Variants in NOVA1 observed in about 807,000 individuals in gnomAD.
NOVA1 encodes NOVA alternative splicing regulator 1.
A neutral mutation model predicts 38.0 loss-of-function variants in NOVA1; 7 were observed. That is an observed-to-expected ratio of 0.18 (90% CI 0.10 to 0.35). The LOEUF (loss-of-function observed/expected upper bound fraction) is 0.35, where lower values mean the gene tolerates loss of function less well. NOVA1 is among the 10% of genes least tolerant of loss of function. The pLI is 1.00. For synonymous variants in NOVA1, 270 were observed against 232.5 expected, an observed-to-expected ratio of 1.16 and a Z score of -1.47; for missense variants, 460 against 616.0, an observed-to-expected ratio of 0.75 and a Z score of 2.68.
At chr14:26,567,290 A>ATTTTTTTT (rs372263187) in intron 2 of NOVA1, among the ~76,000 whole-genome samples, 25 of 93,704 alleles carry the variant, frequency 2.7e-4, no homozygotes, top group East Asian at 6.6e-4. Flanking sequence ...GTCTTGTTTA[A>ATTTTTTTT]TTTTTTTTTT....
At chr14:26,536,405 G>C (rs1183474642) in intron 2 of NOVA1, among the ~76,000 whole-genome samples, 3 of 151,794 alleles carry the variant, frequency 2.0e-5, no homozygotes, top group African/African-American at 7.3e-5. Context: ...TTGAGGGGAA[G>C]GATACCCCCT....
Position 26,598,006 on chromosome 14 carries a change from C to T in NOVA1, c.-570G>A, listed in dbSNP as rs1172617553. Reference sequence around the variant, plus strand: ...GCGCTCGCTCCCGCTGCTGGTGCTGCCGCCGCCGCCGCTGCCGGAGCGGTT... The same window carrying T: ...GCGCTCGCTCCCGCTGCTGGTGCTGTCGCCGCCGCCGCTGCCGGAGCGGTT... On this transcript the variant is annotated 5_prime_UTR_variant, in exon 1 of 5. Coordinates refer to ENST00000539517, the MANE Select transcript of NOVA1 (RefSeq NM_002515.3). Among the ~76,000 whole-genome samples, 4 of 151,414 alleles carry T rather than the reference C, an allele frequency of 2.6e-5. No individual in the cohort carries two copies. The highest frequency in any genetic ancestry group is 4.4e-5 in the Non-Finnish European group (3 of 67,800).
chr14:26,569,662 C>T (rs1892349480), intron 2 of NOVA1, among the ~76,000 whole-genome samples: 1 of 152,068 alleles, frequency 6.6e-6, no homozygotes, highest in African/African-American at 2.4e-5. Flanking sequence ...TACAATTTAT[C>T]AAAAACTTCA....
At chr14:26,551,751 T>C (rs764361782) in intron 2 of NOVA1, among the ~76,000 whole-genome samples, 26 of 152,070 alleles carry the variant, frequency 1.7e-4, no homozygotes, top group Non-Finnish European at 3.5e-4. Flanking sequence ...GGGATCACAT[T>C]TTTTTAAAAA....
At chr14:26,585,162 C>T (rs1329982385) in intron 2 of NOVA1, among the ~76,000 whole-genome samples, 8 of 151,198 alleles carry the variant, frequency 5.3e-5, no homozygotes, top group Admixed American at 5.3e-4. Flanking sequence ...TGTATTAATA[C>T]AAGAAAAACA....
At chr14:26,460,204 T>G (rs1333932241) in intron 4 of NOVA1, among the ~76,000 whole-genome samples, 1 of 151,934 alleles carries the variant, frequency 6.6e-6, no homozygotes, top group African/African-American at 2.4e-5. Context: ...ATCTTACTAG[T>G]AATGGGAGGT....
chr14:26,457,696 C>T (rs1316436415), intron 4 of NOVA1, among the ~76,000 whole-genome samples: 4 of 152,032 alleles, frequency 2.6e-5, no homozygotes, highest in African/African-American at 4.8e-5. Flanking sequence ...CTAGACTGTA[C>T]TCCATTTACT....
intron 2 of NOVA1, among the ~76,000 whole-genome samples, chr14:26,499,131 T>C (rs1794297121): frequency 6.6e-6 from 1 of 152,224 alleles, no homozygotes; most frequent in Non-Finnish European, 1.5e-5. Flanking sequence ...AATAATAGTG[T>C]ATTGTTTTCA....
At chr14:26,524,929 C>T (rs1192289394) in intron 2 of NOVA1, among the ~76,000 whole-genome samples, 1 of 152,148 alleles carries the variant, frequency 6.6e-6, no homozygotes, top group Non-Finnish European at 1.5e-5. Context: ...ATCTCCTTAT[C>T]AGAAATACTA....
chr14:26,517,147 C>T (rs1161185334), intron 2 of NOVA1, among the ~76,000 whole-genome samples: 1 of 151,968 alleles, frequency 6.6e-6, no homozygotes, highest in Non-Finnish European at 1.5e-5. Flanking sequence ...CCTTGTGATC[C>T]GCCTGCCTCG....
intron 2 of NOVA1, among the ~76,000 whole-genome samples, chr14:26,557,884 G>A (rs549417794): frequency 6.6e-6 from 1 of 151,322 alleles, no homozygotes; most frequent in South Asian, 2.1e-4. Context: ...CAGGTGGATG[G>A]ATAAAAAAAC....
chr14:26,482,050 T>G (rs1451674761), intron 2 of NOVA1, among the ~76,000 whole-genome samples: 1 of 142,470 alleles, frequency 7.0e-6, no homozygotes, highest in African/African-American at 2.7e-5. Context: ...TATAAATCTA[T>G]GCTGTCAATA....
At chr14:26,481,792 G>A (rs1452372093) in intron 2 of NOVA1, among the ~76,000 whole-genome samples, 2 of 151,848 alleles carry the variant, frequency 1.3e-5, no homozygotes, top group Non-Finnish European at 2.9e-5. Flanking sequence ...GGATACTCTA[G>A]GGAGTCTTTA....
intron 2 of NOVA1, among the ~76,000 whole-genome samples, chr14:26,556,884 T>C (rs930474090): frequency 6.6e-6 from 1 of 152,222 alleles, no homozygotes; most frequent in African/African-American, 2.4e-5. Context: ...CAATATCTTA[T>C]GTATATCAGG....
rs539291719 is a variant in NOVA1 at position 26,456,873 on chromosome 14, T to TGCA, written c.520-7913_520-7911dup. Among the ~76,000 whole-genome samples, 498 of 152,052 alleles carry TGCA rather than the reference T, an allele frequency of 3.3e-3. 5 individuals are homozygous for TGCA. Among genetic ancestry groups the TGCA allele is most frequent in the African/African-American group, 0.011 (471 of 41,514 alleles). ...TAAATGTCATATACAAAGGACAGTA[T>TGCA]GCAGGCACTACACTATATGAAATTA... is the stretch of plus-strand genomic sequence containing the variant. On this transcript the variant is annotated intron_variant, in intron 4 of 4. Transcript: ENST00000539517.
chr14:26,538,275 C>G (rs1470312268), intron 2 of NOVA1, among the ~76,000 whole-genome samples: 2 of 151,946 alleles, frequency 1.3e-5, no homozygotes, highest in Non-Finnish European at 2.9e-5. Context: ...CAAAGACAAA[C>G]AAAGTAAAAT....
intron 2 of NOVA1, among the ~76,000 whole-genome samples, chr14:26,511,614 T>C (rs577304458): frequency 1.2e-3 from 177 of 151,874 alleles, no homozygotes; most frequent in African/African-American, 4.1e-3. Context: ...TAGCTGGGCG[T>C]GGTGGTGCAT....
chr14:26,570,137 A>C (rs1282878370), intron 2 of NOVA1, among the ~76,000 whole-genome samples: 1 of 152,176 alleles, frequency 6.6e-6, no homozygotes, highest in African/African-American at 2.4e-5. Context: ...ACCTGAGGTC[A>C]GGCGTTCGAG....
chr14:26,465,721 T>C (rs889151482), intron 4 of NOVA1, among the ~76,000 whole-genome samples: 18 of 152,166 alleles, frequency 1.2e-4, no homozygotes, highest in Non-Finnish European at 1.9e-4. Flanking sequence ...TTAGAGCATA[T>C]AGACTTGTAA....
Sources: allele counts gnomAD v4.1 joint callset (sites outside exome capture counted in the v4.1 genomes callset), GRCh38; gene constraint gnomAD v4.1.1; transcripts MANE v1.5; gene names NCBI Gene and HGNC (gene_info 2026-07-23, HGNC 2026-07-21).